Variants in ASIC2 observed in about 807,000 individuals in gnomAD.
The protein encoded by ASIC2 is acid sensing ion channel subunit 2, also known as acid-sensing ion channel 2.
ASIC2 carries 25 observed loss-of-function variants against 57.3 expected under a neutral mutation model. That is an observed-to-expected ratio of 0.44 (90% CI 0.32 to 0.61). The LOEUF is 0.61. ASIC2 is among the 20% of genes least tolerant of loss of function. The pLI is 0.06. For missense variants in ASIC2, 641 were observed against 738.1 expected (o/e 0.87, Z 1.52); for synonymous variants, 319 against 307.5 (o/e 1.04, Z -0.39).
intron 1 of ASIC2, among the ~76,000 whole-genome samples, chr17:33,339,606 A>T (rs1173826029): frequency 6.6e-6 from 1 of 152,166 alleles, no homozygotes; most frequent in Non-Finnish European, 1.5e-5. Flanking sequence ...AGGGCCCGGC[A>T]CGGTGTCTTG....
intron 1 of ASIC2, among the ~76,000 whole-genome samples, chr17:34,025,646 C>T (rs1907349194): frequency 6.6e-6 from 1 of 152,202 alleles, no homozygotes; most frequent in Non-Finnish European, 1.5e-5. Context: ...GTAAATAAGA[C>T]AGCACAAAGC....
intron 1 of ASIC2, among the ~76,000 whole-genome samples, chr17:33,981,770 T>C (rs941223575): frequency 1.3e-5 from 2 of 152,208 alleles, no homozygotes; most frequent in African/African-American, 2.4e-5. Context: ...ACATGCATTA[T>C]CTTATTTAAT....
At chr17:33,786,681 T>C (rs1911609327) in intron 1 of ASIC2, among the ~76,000 whole-genome samples, 1 of 152,210 alleles carries the variant, frequency 6.6e-6, no homozygotes, top group South Asian at 2.1e-4. Context: ...ATGAGACTCC[T>C]GGCCCCTGGC....
At chr17:33,858,328 T>C (rs1914015836) in intron 1 of ASIC2, among the ~76,000 whole-genome samples, 1 of 152,132 alleles carries the variant, frequency 6.6e-6, no homozygotes, top group Non-Finnish European at 1.5e-5. Flanking sequence ...ACTCCCATGA[T>C]ACCAAAGCCC....
At chr17:33,306,400 T>G (rs910853447) in intron 1 of ASIC2, among the ~76,000 whole-genome samples, 17 of 152,210 alleles carry the variant, frequency 1.1e-4, no homozygotes, top group African/African-American at 4.1e-4. Flanking sequence ...AGAGAAATGT[T>G]AAATGTCTGC....
chr17:33,388,109 A>AAACAAAAC lies in ASIC2; in HGVS notation c.556-276043_556-276042insGTTTTGTT, dbSNP rs1555604262. ...AAACAAAGCAAAGCAAAACAAAACA[A>AAACAAAAC]AACAACAACAACAAAACAAACAAAT... On this transcript the variant is annotated intron_variant, in intron 1 of 9. Transcript: ENST00000359872. Among the ~76,000 whole-genome samples, 279 of 151,826 alleles carry AAACAAAAC rather than the reference A, an allele frequency of 1.8e-3. 3 individuals carry two copies. The highest frequency in any genetic ancestry group is 6.2e-3 in the African/African-American group (256 of 41,424).
At chr17:33,236,598 C>G (rs530322963) in intron 1 of ASIC2, among the ~76,000 whole-genome samples, 13 of 152,280 alleles carry the variant, frequency 8.5e-5, no homozygotes, top group African/African-American at 3.1e-4. Context: ...GCCTCAGCCT[C>G]CCAAAGTGCT....
intron 1 of ASIC2, among the ~76,000 whole-genome samples, chr17:34,090,356 CTGAG>C (rs996849579): frequency 2.3e-4 from 35 of 152,072 alleles, no homozygotes; most frequent in Non-Finnish European, 1.5e-5. Flanking sequence ...TCCAAGGTTA[CTGAG>C]TAAGTCAGCT....
intron 1 of ASIC2, among the ~76,000 whole-genome samples, chr17:33,950,951 G>T (rs1465393518): frequency 6.6e-6 from 1 of 152,162 alleles, no homozygotes; most frequent in East Asian, 1.9e-4. Context: ...ATCTTCAGAG[G>T]TATGATTTAG....
chr17:33,060,705 T>C lies in ASIC2; in HGVS notation c.987+28158A>G, dbSNP rs975945700. On this transcript the variant is annotated intron_variant, in intron 3 of 9. Coordinates refer to ENST00000225823, the MANE Select transcript of ASIC2 (RefSeq NM_183377.2). ...TTTTCCAATTCTGTGAAGAAAGTCA[T>C]TGGTAGCTTGATGGGGGTGCCATTG... Among the ~76,000 whole-genome samples the C allele has an allele frequency of 3.3e-5, 5 of 152,202 alleles. No individual in the cohort carries two copies. In the South Asian group the frequency reaches 8.3e-4, roughly 25 times the overall value.
In ASIC2 at chr17:34,050,707, G is replaced by C. The variant is rs535827628; in HGVS notation, c.555+105271C>G. ...TCACCCGAACCTCAAGCAGCTTATA[G>C]ACCACATAGGAGCATGTGTAAGTTG... is the stretch of plus-strand genomic sequence containing the variant. On this transcript the variant is annotated intron_variant, in intron 1 of 9. Coordinates refer to the ASIC2 transcript ENST00000359872. 4.6e-5 allele frequency among the ~76,000 whole-genome samples: 7 copies of C among 152,330 alleles called. No homozygotes were observed. The East Asian group carries it at 1.4e-3, about 29-fold the overall frequency.
chr17:33,355,226 G>A (rs149635320), intron 1 of ASIC2, among the ~76,000 whole-genome samples: 282 of 152,252 alleles, frequency 1.9e-3, no homozygotes, highest in African/African-American at 6.5e-3. Context: ...CCAACTACTC[G>A]GGAAGCTGAG....
At chr17:33,042,750 C>T (rs2091934496) in intron 3 of ASIC2, among the ~76,000 whole-genome samples, 1 of 152,084 alleles carries the variant, frequency 6.6e-6, no homozygotes, top group Non-Finnish European at 1.5e-5. Flanking sequence ...AAGAATATAC[C>T]ACAGCAGGGT....
intron 1 of ASIC2, among the ~76,000 whole-genome samples, chr17:33,682,719 G>A (rs1434993749): frequency 1.3e-5 from 2 of 151,768 alleles, no homozygotes; most frequent in African/African-American, 2.4e-5. Context: ...CCTTGCTTGG[G>A]ATATTAAAAA....
intron 1 of ASIC2, chr17:34,155,967 C>T (rs753816047): frequency 1.3e-6 from 2 of 1,593,624 alleles, no homozygotes; most frequent in Non-Finnish European, 1.7e-6. Flanking sequence ...AGCTGAAAAC[C>T]AAGTACTCAC....
At chr17:33,155,008 G>A (rs1302864396) in intron 1 of ASIC2, among the ~76,000 whole-genome samples, 2 of 152,206 alleles carry the variant, frequency 1.3e-5, no homozygotes, top group African/African-American at 4.8e-5. Context: ...CACCTGCGCC[G>A]CGGTGCTGAG....
At chr17:33,966,066 A>G (rs1200625814) in intron 1 of ASIC2, among the ~76,000 whole-genome samples, 1 of 152,352 alleles carries the variant, frequency 6.6e-6, no homozygotes, top group Non-Finnish European at 1.5e-5. Flanking sequence ...TACATGGGCT[A>G]TTGTTCAAGG....
chr17:33,735,431 C>A (rs1909881360), intron 1 of ASIC2, among the ~76,000 whole-genome samples: 1 of 151,988 alleles, frequency 6.6e-6, no homozygotes, highest in Non-Finnish European at 1.5e-5. Context: ...GGGTAGTGAC[C>A]AAAGAAAATG....
intron 1 of ASIC2, among the ~76,000 whole-genome samples, chr17:33,690,761 T>A (rs1217191313): frequency 1.4e-5 from 2 of 144,060 alleles, no homozygotes; most frequent in African/African-American, 5.2e-5. Context: ...TTTTTTTTTT[T>A]TTTTTTGAGA....
Sources: allele counts gnomAD v4.1 joint callset (sites outside exome capture counted in the v4.1 genomes callset), GRCh38; gene constraint gnomAD v4.1.1; transcripts MANE v1.5; gene names NCBI Gene and HGNC (gene_info 2026-07-23, HGNC 2026-07-21).